Variants in CNTN5 observed in about 807,000 individuals in gnomAD.
CNTN5 encodes contactin-5.
A neutral mutation model predicts 129.1 loss-of-function variants in CNTN5; 77 were observed. That is an observed-to-expected ratio of 0.60 (90% confidence interval 0.50 to 0.72). CNTN5 has a LOEUF of 0.72. CNTN5 is among the 30% of genes least tolerant of loss of function. CNTN5 has a pLI of 0.00. For missense variants in CNTN5, 1,478 were observed against 1,328.8 expected (o/e 1.11, Z -1.75); for synonymous variants, 509 against 465.6 (o/e 1.09, Z -1.20).
intron 13 of CNTN5, among the ~76,000 whole-genome samples, chr11:100,162,368 C>T (rs1354198616): frequency 6.6e-6 from 1 of 151,814 alleles, no homozygotes; most frequent in Non-Finnish European, 1.5e-5. Context: ...AACTAACTAG[C>T]AATGTTTTGT....
Position 100,353,222 on chromosome 11 carries a change from G to C in CNTN5, c.3199+2352G>C, listed in dbSNP as rs148223879. On this transcript the variant is annotated intron_variant, in intron 24 of 24. Transcript: ENST00000524871. ...ATTTGGGCAGTGCAACCCACTTCCT[G>C]AGTTTCAGTATGGGAAACTCTTACA... Among the ~76,000 whole-genome samples the C allele has an allele frequency of 5.7e-3, 869 of 151,642 alleles. 4 individuals carry two copies. The highest frequency in any genetic ancestry group is 8.9e-3 in the Non-Finnish European group (605 of 67,648).
chr11:100,033,640 T>TCA (rs1941834249), intron 9 of CNTN5, among the ~76,000 whole-genome samples: 1 of 152,176 alleles, frequency 6.6e-6, no homozygotes, highest in Admixed American at 6.5e-5. Context: ...CTTTAAATCC[T>TCA]CACTAAATAT....
intron 2 of CNTN5, among the ~76,000 whole-genome samples, chr11:99,501,428 T>G (rs7950357): frequency 2.0e-5 from 3 of 152,124 alleles, no homozygotes; most frequent in Admixed American, 1.3e-4. Context: ...TTAAAGAATA[T>G]TTGAAATAAC....
intron 1 of CNTN5, among the ~76,000 whole-genome samples, chr11:99,250,130 T>C (rs1200570425): frequency 6.6e-6 from 1 of 152,000 alleles, no homozygotes; most frequent in Admixed American, 6.6e-5. Context: ...GATAACATAA[T>C]TGAATAGACA....
intron 3 of CNTN5, among the ~76,000 whole-genome samples, chr11:99,743,109 A>G (rs909272970): frequency 6.6e-6 from 1 of 152,202 alleles, no homozygotes; most frequent in Non-Finnish European, 1.5e-5. Context: ...CTCATTTAAC[A>G]GTATGATAAG....
intron 4 of CNTN5, among the ~76,000 whole-genome samples, chr11:99,829,434 C>T (rs1440535804): frequency 6.6e-6 from 1 of 152,146 alleles, no homozygotes; most frequent in Non-Finnish European, 1.5e-5. Context: ...GCACAGTAGT[C>T]AGTCACTGAT....
intron 2 of CNTN5, among the ~76,000 whole-genome samples, chr11:99,391,011 AC>A (rs889405818): frequency 6.6e-6 from 1 of 152,094 alleles, no homozygotes; most frequent in African/African-American, 2.4e-5. Context: ...TAACTAAATA[AC>A]TTCACTTTTA....
chr11:99,482,978 A>T (rs1483355436), intron 2 of CNTN5, among the ~76,000 whole-genome samples: 1 of 152,008 alleles, frequency 6.6e-6, no homozygotes, highest in Non-Finnish European at 1.5e-5. Context: ...GACCGAGGCC[A>T]TCTTGGCCAA....
intron 1 of CNTN5, among the ~76,000 whole-genome samples, chr11:99,271,663 C>T (rs890806005): frequency 6.6e-6 from 1 of 151,710 alleles, no homozygotes; most frequent in African/African-American, 2.4e-5. Context: ...CTGTAGTGAT[C>T]CAAAGGCTTA....
intron 2 of CNTN5, among the ~76,000 whole-genome samples, chr11:99,354,638 T>C (rs1237270260): frequency 6.6e-6 from 1 of 152,138 alleles, no homozygotes; most frequent in Non-Finnish European, 1.5e-5. Context: ...ACCTCTAACA[T>C]ATTCCACATT....
chr11:99,453,738 G>A (rs991125887), intron 2 of CNTN5, among the ~76,000 whole-genome samples: 41 of 152,156 alleles, frequency 2.7e-4, no homozygotes, highest in Non-Finnish European at 4.0e-4. Context: ...GGAGCAAAAT[G>A]GGAATGTATA....
At chr11:99,497,513 T>A (rs1387872746) in intron 2 of CNTN5, among the ~76,000 whole-genome samples, 1 of 151,994 alleles carries the variant, frequency 6.6e-6, no homozygotes, top group African/African-American at 2.4e-5. Context: ...TTTCTAGCTC[T>A]CCAAGAAAGG....
rs192983654 is a variant in CNTN5 at position 100,016,447 on chromosome 11, G to A, written c.980+14311G>A. Among the ~76,000 whole-genome samples the A allele has an allele frequency of 1.7e-3, 262 of 151,850 alleles. 1 individual carries two copies. The highest frequency in any genetic ancestry group is 5.3e-3 in the African/African-American group (218 of 41,408). ...CAATTAAATAAATGATTATACATGT[G>A]CAATGTATAATCAGTGTGGTTCTGA... On this transcript the variant is annotated intron_variant, in intron 9 of 24. Coordinates refer to ENST00000524871, the MANE Select transcript of CNTN5 (RefSeq NM_014361.4).
At chr11:99,740,120 A>G (rs910170441) in intron 3 of CNTN5, among the ~76,000 whole-genome samples, 2 of 152,184 alleles carry the variant, frequency 1.3e-5, no homozygotes, top group African/African-American at 4.8e-5. Context: ...AATGATTTCA[A>G]TTTTAAAGCA....
chr11:99,972,758 G>T (rs1356314319), intron 8 of CNTN5, among the ~76,000 whole-genome samples: 1 of 152,138 alleles, frequency 6.6e-6, no homozygotes, highest in Non-Finnish European at 1.5e-5. Flanking sequence ...CATCTTGTTT[G>T]TGGTATTTCC....
intron 13 of CNTN5, among the ~76,000 whole-genome samples, chr11:100,107,646 T>C (rs938635445): frequency 6.6e-6 from 1 of 152,026 alleles, no homozygotes; most frequent in Admixed American, 6.5e-5. Context: ...TGTAGTTGAG[T>C]GTGACATTCT....
At chr11:99,611,131 G>T (rs1311530062) in intron 3 of CNTN5, among the ~76,000 whole-genome samples, 4 of 152,116 alleles carry the variant, frequency 2.6e-5, no homozygotes, top group African/African-American at 9.7e-5. Flanking sequence ...GACAGCTTAG[G>T]CTGTCATTTT....
At chr11:99,614,655 A>C (rs1010591608) in intron 3 of CNTN5, among the ~76,000 whole-genome samples, 1 of 152,166 alleles carries the variant, frequency 6.6e-6, no homozygotes, top group Non-Finnish European at 1.5e-5. Context: ...TTCTGCGACA[A>C]TCTGTTACAG....
intron 17 of CNTN5, among the ~76,000 whole-genome samples, chr11:100,260,883 C>A (rs2138746047): frequency 6.6e-6 from 1 of 152,254 alleles, no homozygotes; most frequent in Non-Finnish European, 1.5e-5. Context: ...TGAAAACTGG[C>A]ACAAGACAAG....
Sources: gnomAD v4.1 joint callset for allele counts (sites outside exome capture counted in the v4.1 genomes callset) on GRCh38, gnomAD v4.1.1 for gene constraint, MANE v1.5 for transcripts, NCBI Gene and HGNC (gene_info 2026-07-23, HGNC 2026-07-21) for gene names.